Variants in ARHGEF37 observed in about 807,000 individuals in gnomAD.
ARHGEF37 encodes the protein Rho guanine nucleotide exchange factor (GEF) 37.
ARHGEF37 carries 55 observed loss-of-function variants against 71.1 expected under a neutral mutation model. The observed-to-expected ratio is 0.77, with a 90% confidence interval of 0.62 to 0.97. The LOEUF is 0.97. ARHGEF37 is among the 50% of genes least tolerant of loss of function. ARHGEF37 has a pLI of 0.00. For synonymous variants in ARHGEF37, 327 were observed against 350.6 expected, an observed-to-expected ratio of 0.93 and a Z score of 0.75; for missense variants, 765 against 836.8, an observed-to-expected ratio of 0.91 and a Z score of 1.06.
chr5:149,629,078 T>G, intron 12 of ARHGEF37, 112 bp downstream of exon 12: 2 of 1,344,416 alleles, frequency 1.5e-6, no homozygotes, highest in Non-Finnish European at 2.0e-6. Context: ...GGGCTGCCAC[T>G]CTGTGAGACC....
At chr5:149,577,785 A>G (rs896440936), upstream of ARHGEF37, among the ~76,000 whole-genome samples, 1 of 152,240 alleles carries the variant, frequency 6.6e-6, no homozygotes, top group Non-Finnish European at 1.5e-5. Context: ...ACCATTATAC[A>G]TTTGGGAAAC....
chr5:149,618,731 G>A (rs948041148), intron 6 of ARHGEF37, among the ~76,000 whole-genome samples: 1 of 152,200 alleles, frequency 6.6e-6, no homozygotes, highest in African/African-American at 2.4e-5. Flanking sequence ...GGAAGCCAAT[G>A]AACTGGGGCT....
chr5:149,585,448 G>A (rs59883777), intron 1 of ARHGEF37, among the ~76,000 whole-genome samples: 37,108 of 152,072 alleles, frequency 0.24, 5,191 homozygotes, highest in African/African-American at 0.37. Context: ...GCTTCCATAC[G>A]AATGGATCTC....
At chr5:149,603,978 A>T (rs1763835845) in intron 3 of ARHGEF37, among the ~76,000 whole-genome samples, 1 of 152,208 alleles carries the variant, frequency 6.6e-6, no homozygotes, top group Non-Finnish European at 1.5e-5. Flanking sequence ...ATGTTCTCAC[A>T]GGTACTTCTC....
chr5:149,592,948 T>G (rs950595951), intron 1 of ARHGEF37, among the ~76,000 whole-genome samples: 1 of 152,112 alleles, frequency 6.6e-6, no homozygotes, highest in Non-Finnish European at 1.5e-5. Context: ...TTTTATATTT[T>G]TAGTAGAGAC....
chr5:149,627,108 G>T lies in ARHGEF37; in HGVS notation c.1497G>T (p.Gln499His). Residue 499 changes from glutamine to histidine, a missense_variant, in exon 11 of 13, where the codon CAG becomes CAT. Physicochemically the swap from Gln to His is conservative, Grantham distance 24. Coordinates refer to ENST00000333677, the MANE Select transcript of ARHGEF37 (RefSeq NM_001001669.3). ...TTCCAGGGTCTGAACGCCAGGTGCA[G>T]GCTCTCCTGAGCAGGTATGGCCCTG... is the stretch of plus-strand genomic sequence containing the variant. ...PLLPGSERQV[Q>H]ALLSRYGPGK... is the part of the protein sequence containing the mutation. 1 of 1,613,992 alleles carries T rather than the reference G, an allele frequency of 6.2e-7. No homozygotes were observed. Among genetic ancestry groups the T allele is most frequent in the Non-Finnish European group, 8.5e-7 (1 of 1,179,942 alleles).
chr5:149,622,181 C>T (rs1752567605), intron 9 of ARHGEF37, 119 bp downstream of exon 9: 3 of 1,017,784 alleles, frequency 2.9e-6, no homozygotes, highest in South Asian at 3.4e-5. Flanking sequence ...AACAGGTCAT[C>T]AGGCCCTTAG....
At chr5:149,627,027 G>T in intron 10 of ARHGEF37, 49 bp from the exon 11 acceptor site, 1 of 1,546,650 alleles carries the variant, frequency 6.5e-7, no homozygotes, top group South Asian at 1.2e-5. Context: ...TGCCAGCTTT[G>T]ACAGGTTTAT....
In ARHGEF37 at chr5:149,621,883, T is replaced by C. The variant is rs1200215405; in HGVS notation, c.1156T>C (p.Tyr386His). The C allele has an allele frequency of 1.1e-5, 17 of 1,614,074 alleles. No individual in the cohort carries two copies. Among genetic ancestry groups the C allele is most frequent in the East Asian group, 2.2e-5 (1 of 44,890 alleles). Residue 386 changes from tyrosine to histidine, a missense_variant, in exon 9 of 13, where the codon TAC becomes CAC. Around this residue, in one of 5 missense-constraint regions of ARHGEF37, gnomAD observed 390 missense variants for 407.4 expected, o/e 0.96. Transcript: ENST00000333677. ...GCTGCTGGAGGTGGGCAGTGTGACC[T>C]ACCAGGAGGAGGCCGCCCGGCACAC... ...EKLLEVGSVT[Y>H]QEEAARHTYQ...
At position 149,632,066 on chromosome 5, in the gene ARHGEF37, C is replaced by A. The variant is rs896028387; in HGVS notation, c.1903C>A (p.Gln635Lys). 6.2e-7 allele frequency: 1 copy of A among 1,614,232 alleles called. No homozygotes were observed. The highest frequency in any genetic ancestry group is 1.3e-5 in the African/African-American group (1 of 75,060). Residue 635 changes from glutamine to lysine, a missense_variant, in exon 13 of 13, where the codon CAG becomes AAG. Around this residue, in one of 5 missense-constraint regions of ARHGEF37, gnomAD observed 390 missense variants for 407.4 expected, o/e 0.96. Transcript: ENST00000333677. ...CCAGCCTGTGACCATCCTGGAGGCC[C>A]AGGACAAGAAGGGGAACCCTGAGTG... is the stretch of plus-strand genomic sequence containing the variant. The part of the protein sequence containing the change: ...AGQPVTILEA[Q>K]DKKGNPEWSL...
At chr5:149,604,434 G>A (rs1763847551) in intron 3 of ARHGEF37, among the ~76,000 whole-genome samples, 1 of 152,060 alleles carries the variant, frequency 6.6e-6, no homozygotes, top group Admixed American at 6.5e-5. Context: ...TCTCTCCCCT[G>A]CAACTTTGGC....
intron 1 of ARHGEF37, among the ~76,000 whole-genome samples, chr5:149,552,599 A>T (rs1762693917): frequency 6.6e-6 from 1 of 152,216 alleles, no homozygotes; most frequent in Non-Finnish European, 1.5e-5. Flanking sequence ...GCACTTCGGG[A>T]GGCCGGGGCG....
In ARHGEF37 at chr5:149,621,740, G is replaced by A. The variant is rs139526604; in HGVS notation, c.1013G>A (p.Arg338Gln). ...GCTCATGTCTCCCCACAGAAGCAAC[G>A]GCTAGAAGGCCTGGTGTGGCAGCCA... ...HLEAFLKFKQ[R>Q]LEGLVWQPLC... Residue 338 changes from arginine to glutamine, a missense_variant, in exon 9 of 13, where the codon CGG (arginine) becomes CAG (glutamine). Arg to Gln is a conservative substitution (Grantham distance 43). Transcript: ENST00000333677. 3,098 of 1,610,462 alleles carry A rather than the reference G, an allele frequency of 1.9e-3. 40 individuals carry two copies. The highest frequency in any genetic ancestry group is 0.018 in the Middle Eastern group (108 of 6,042).
At chr5:149,623,691 T>C (rs1475446692) in intron 9 of ARHGEF37, among the ~76,000 whole-genome samples, 1 of 152,174 alleles carries the variant, frequency 6.6e-6, no homozygotes, top group African/African-American at 2.4e-5. Context: ...GGTCCATGCA[T>C]GTGGCCTGTC....
rs759187419 is a variant in ARHGEF37 at position 149,609,590 on chromosome 5, A to T, written c.353A>T (p.Tyr118Phe). 1.9e-6 allele frequency: 3 copies of T among 1,613,974 alleles called. No homozygotes were observed. Among genetic ancestry groups the T allele is most frequent in the Non-Finnish European group, 2.5e-6 (3 of 1,180,048 alleles). The change falls in exon 4 of 13, where the codon TAT becomes TTT. Residue 118 changes from tyrosine (Y) to phenylalanine (F), a missense_variant. By Grantham distance (22) the Tyr-to-Phe change is conservative. Coordinates refer to ENST00000333677, the MANE Select transcript of ARHGEF37 (RefSeq NM_001001669.3). ...TTCCAAGAGGAGTTGGAGCAAGTCTATAAGGTCTACTGTGCCAGCTACGAC... is the reference window on the plus strand; with the variant it reads ...TTCCAAGAGGAGTTGGAGCAAGTCTTTAAGGTCTACTGTGCCAGCTACGAC... ...LEFQEELEQVYKVYCASYDQA... is the reference protein window; with the variant it reads ...LEFQEELEQVFKVYCASYDQA...
chr5:149,632,176 G>A lies in ARHGEF37; in HGVS notation c.2013G>A (p.Trp671Ter). ...CTCGGAGCCCAGTTCTGTGGGGCTG[G>A]AGTCTGCCCTCTTAGGGTACCCTCT... ...ARARSPVLWG[W>*]SLPS is the part of the protein sequence containing the mutation. The change falls in exon 13 of 13, where the codon TGG (tryptophan) becomes TGA (stop). Residue 671 changes from tryptophan (W) to a stop codon, truncating the protein, a stop_gained. Transcript: ENST00000333677. LOFTEE classifies it high-confidence loss of function. 3 of 1,614,184 alleles carry A rather than the reference G, an allele frequency of 1.9e-6. No homozygotes were observed. Among genetic ancestry groups the A allele is most frequent in the African/African-American group, 1.3e-5 (1 of 75,062 alleles).
At chr5:149,592,961 G>A (rs889129866) in intron 1 of ARHGEF37, among the ~76,000 whole-genome samples, 57 of 152,016 alleles carry the variant, frequency 3.7e-4, no homozygotes, top group African/African-American at 1.3e-3. Flanking sequence ...GTAGAGACGG[G>A]GTTTTGCCAT....
At chr5:149,624,171 TC>T (rs997781511) in intron 10 of ARHGEF37, 31 bp downstream of exon 10, 2 of 1,584,904 alleles carry the variant, frequency 1.3e-6, no homozygotes, top group Non-Finnish European at 1.7e-6. Context: ...CCAAAGACTG[TC>T]CAGTTCTTCA....
chr5:149,566,111 G>A (rs534932067), intron 1 of ARHGEF37, among the ~76,000 whole-genome samples: 2 of 151,718 alleles, frequency 1.3e-5, no homozygotes, highest in Middle Eastern at 3.4e-3. Context: ...CGCCCAAAGT[G>A]CTGGGATTAC....
Sources: gnomAD v4.1 joint callset for allele counts (sites outside exome capture counted in the v4.1 genomes callset) on GRCh38, gnomAD v4.1.1 for gene constraint, gnomAD v4.1.1 regional missense constraint, MANE v1.5 for transcripts, NCBI Gene and HGNC (gene_info 2026-07-23, HGNC 2026-07-21) for gene names.